NRIP1: variants seen among roughly 807,000 people sequenced by gnomAD.
The protein encoded by NRIP1 is nuclear receptor interacting protein 1, also known as nuclear receptor-interacting protein 1.
A neutral mutation model predicts 75.0 loss-of-function variants in NRIP1; 28 were observed. The ratio of observed to expected loss-of-function variants is 0.37; its 90% CI spans 0.28 to 0.51. The LOEUF is 0.51. NRIP1 is among the 20% of genes least tolerant of loss of function. The pLI is 0.92. For synonymous variants in NRIP1, 526 were observed against 487.6 expected (o/e 1.08, Z -1.04); for missense variants, 1,435 against 1,343.7 (o/e 1.07, Z -1.06).
chr21:15,041,403 A>T (rs1206573448), intron 2 of NRIP1, among the ~76,000 whole-genome samples: 1 of 152,140 alleles, frequency 6.6e-6, no homozygotes, highest in Non-Finnish European at 1.5e-5. Context: ...CTCAGACTAT[A>T]CTTACATAAA....
intron 3 of NRIP1, among the ~76,000 whole-genome samples, chr21:14,975,891 T>C (rs1176618239): frequency 6.6e-6 from 1 of 152,140 alleles, no homozygotes; most frequent in African/African-American, 2.4e-5. Context: ...TAAGATTCCA[T>C]ATGTACTTTT....
chr21:14,966,540 C>T lies in NRIP1; in HGVS notation c.1653G>A (p.Val551=), dbSNP rs753540921. ...ESPSTNRTTP[V]STPPLLTSSK... The stretch of plus-strand genomic sequence containing the variant: ...TTGATGTAAGTAAAGGTGGAGTGCT[C>T]ACTGGAGTAGTCCGATTTGTACTGG... The change falls in exon 4 of 4, where the codon GTG becomes GTA. Residue 551 remains valine, a synonymous_variant. Transcript: ENST00000318948. 1.2e-6 allele frequency: 2 copies of T among 1,614,068 alleles called. No homozygotes were observed. The highest frequency in any genetic ancestry group is 1.7e-6 in the Non-Finnish European group (2 of 1,179,990).
intron 1 of NRIP1, among the ~76,000 whole-genome samples, chr21:15,063,936 C>T (rs73338822): frequency 0.013 from 2,055 of 152,356 alleles, 46 homozygotes; most frequent in African/African-American, 0.047. Flanking sequence ...GCCTCTAAGA[C>T]ACAGTTGGTT....
intron 3 of NRIP1, among the ~76,000 whole-genome samples, chr21:14,973,654 C>T (rs1393294479): frequency 1.3e-5 from 2 of 150,198 alleles, no homozygotes; most frequent in Non-Finnish European, 3.0e-5. Flanking sequence ...GTATTATCGT[C>T]TTAAGTGAAA....
At chr21:15,020,576 A>AC (rs1568985511) in intron 2 of NRIP1, among the ~76,000 whole-genome samples, 1 of 152,214 alleles carries the variant, frequency 6.6e-6, no homozygotes, top group South Asian at 2.1e-4. Flanking sequence ...CCATTTAAAA[A>AC]AATTAAAAAT....
chr21:15,017,893 G>T (rs557168937), intron 2 of NRIP1, among the ~76,000 whole-genome samples: 46 of 152,208 alleles, frequency 3.0e-4, no homozygotes, highest in African/African-American at 1.1e-3. Flanking sequence ...TCTCTACTAA[G>T]ACACTCTCCT....
chr21:15,047,266 G>T (rs966485244), intron 1 of NRIP1, among the ~76,000 whole-genome samples: 1 of 149,404 alleles, frequency 6.7e-6, no homozygotes, highest in Admixed American at 6.7e-5. Context: ...TCTCGGCCGG[G>T]CGCGGTGGCT....
rs1489110207 is a variant in NRIP1, at chr21:14,990,415, G to C, written c.-334-21889C>G. Among the ~76,000 whole-genome samples the C allele has an allele frequency of 3.7e-4, 56 of 152,258 alleles. 1 individual carries two copies. Among genetic ancestry groups the C allele is most frequent in the Non-Finnish European group, 1.5e-5 (1 of 68,016 alleles). The stretch of plus-strand genomic sequence containing the variant: ...AAGCAATGCAAATACTAATGCCCAA[G>C]TTTGGGTCAGACTAGGGCTGTCCAA... On this transcript the variant is annotated intron_variant, in intron 3 of 3. Transcript: ENST00000318948.
chr21:15,052,136 C>G (rs2089214799), intron 1 of NRIP1: 3 of 152,156 alleles, frequency 2.0e-5, no homozygotes, highest in Non-Finnish European at 1.5e-5. Context: ...TAAAACCTCA[C>G]TTTCGAAGTA....
rs2146907334 is a variant in NRIP1, at chr21:14,963,868, AAAG to A, written c.*845_*847del. ...TTACAAGAGATGGTGAAAACTGTCC[AAAG>A]AAAAGCCATTTTGCTTCTGTTAAAA... On this transcript the variant is annotated 3_prime_UTR_variant, in exon 4 of 4. Transcript: ENST00000318948. The A allele has an allele frequency of 6.6e-6, 1 of 152,614 alleles. No homozygotes were observed. Among genetic ancestry groups the A allele is most frequent in the South Asian group, 2.1e-4 (1 of 4,826 alleles). The allele number at this position is 152,614 out of a possible 1,614,324, so 9.5% of individuals were successfully genotyped here. A position where few individuals can be genotyped will look rare whatever the true frequency, so the allele number is the denominator to read the frequency against.
chr21:15,041,989 G>A (rs1041843499), intron 2 of NRIP1, among the ~76,000 whole-genome samples: 5 of 152,096 alleles, frequency 3.3e-5, no homozygotes, highest in African/African-American at 1.2e-4. Context: ...GGAAGAATAT[G>A]CTGGTTTGCC....
chr21:15,016,932 A>G (rs1049871866), intron 2 of NRIP1, among the ~76,000 whole-genome samples: 1 of 151,730 alleles, frequency 6.6e-6, no homozygotes, highest in Non-Finnish European at 1.5e-5. Flanking sequence ...GAGAGAGAGA[A>G]AGAAAGAAAG....
In NRIP1 at chr21:15,043,523, A is replaced by T. The variant is rs1249571282; in HGVS notation, c.-486T>A. ...CTGGCTGTGTTTCTCCCAAATGTTA[A>T]AATAATGAGTCCTGAGAACAGTTCT... On this transcript the variant is annotated 5_prime_UTR_variant, in exon 2 of 4. Coordinates refer to ENST00000318948, the MANE Select transcript of NRIP1 (RefSeq NM_003489.4). 1 of 152,210 alleles carries T rather than the reference A, an allele frequency of 6.6e-6. No homozygotes were observed. The highest frequency in any genetic ancestry group is 1.5e-5 in the Non-Finnish European group (1 of 68,040). The allele number at this position is 152,210 out of a possible 1,614,324, so 9.4% of individuals were successfully genotyped here.
chr21:15,007,076 A>G (rs1353243714), intron 3 of NRIP1, among the ~76,000 whole-genome samples: 1 of 152,202 alleles, frequency 6.6e-6, no homozygotes, highest in South Asian at 2.1e-4. Context: ...TGGTAGTCCA[A>G]TGGGAGTGGA....
chr21:14,967,361 G>C lies in NRIP1; in HGVS notation c.832C>G (p.Gln278Glu), dbSNP rs1160821719. 1.2e-6 allele frequency: 2 copies of C among 1,613,994 alleles called. No homozygotes were observed. The highest frequency in any genetic ancestry group is 1.7e-6 in the Non-Finnish European group (2 of 1,180,020). Residue 278 changes from glutamine (Q) to glutamate (E), a missense_variant, in exon 4 of 4, where the codon CAG becomes GAG. Gln to Glu is a conservative substitution (Grantham distance 29). Coordinates refer to ENST00000318948, the MANE Select transcript of NRIP1 (RefSeq NM_003489.4). ...TTTAAAGCGTGTTCTCGAGAATACT[G>C]CTGCAAATGGGCTTCGCTTGACAGA... ...LLLSSEAHLQ[Q>E]YSREHALKTQ...
intron 2 of NRIP1, among the ~76,000 whole-genome samples, chr21:15,032,994 G>A (rs979029895): frequency 6.6e-6 from 1 of 152,158 alleles, no homozygotes; most frequent in African/African-American, 2.4e-5. Context: ...GGGAGGCCGA[G>A]GTGGGTGGAT....
chr21:15,035,496 G>C (rs1326815699), intron 2 of NRIP1, among the ~76,000 whole-genome samples: 1 of 151,290 alleles, frequency 6.6e-6, no homozygotes, highest in Non-Finnish European at 1.5e-5. Flanking sequence ...ACTAATAAAA[G>C]GTTTAAAACT....
At chr21:15,035,034 A>C (rs1312803903) in intron 2 of NRIP1, among the ~76,000 whole-genome samples, 1 of 152,150 alleles carries the variant, frequency 6.6e-6, no homozygotes, top group Non-Finnish European at 1.5e-5. Flanking sequence ...CTCATCTTAC[A>C]GATCAAAAAA....
In NRIP1 at chr21:15,044,263, T is replaced by C. The variant is rs554255050; in HGVS notation, c.-537-689A>G. ...ATTATTTAACAGTCATTGCAGAGTT[T>C]GAAACACCTCATTTCTTTTCTGTAC... On this transcript the variant is annotated intron_variant, in intron 1 of 3. Transcript: ENST00000318948. Among the ~76,000 whole-genome samples the C allele has an allele frequency of 2.0e-5, 3 of 151,486 alleles. No individual in the cohort carries two copies. In the East Asian group the frequency reaches 5.8e-4, roughly 29 times the overall value.
Sources: allele counts gnomAD v4.1 joint callset (sites outside exome capture counted in the v4.1 genomes callset), GRCh38; gene constraint gnomAD v4.1.1; transcripts MANE v1.5; gene names NCBI Gene and HGNC (gene_info 2026-07-23, HGNC 2026-07-21).